Variants in PRKCH observed in about 807,000 individuals in gnomAD.
The protein encoded by PRKCH is protein kinase C eta type.
PRKCH carries 28 observed loss-of-function variants against 82.5 expected under a neutral mutation model. The observed-to-expected ratio is 0.34, with a 90% confidence interval of 0.25 to 0.47. The LOEUF (loss-of-function observed/expected upper bound fraction) is 0.47, where lower values mean the gene tolerates loss of function less well. Among genes scored for constraint, PRKCH ranks in the 20% least tolerant of loss-of-function variants. The pLI is 1.00. For missense variants in PRKCH, 705 were observed against 881.8 expected, an observed-to-expected ratio of 0.80 and a Z score of 2.54; for synonymous variants, 322 against 327.4, an observed-to-expected ratio of 0.98 and a Z score of 0.18.
At chr14:61,269,665 A>G (rs753125947) in intron 1 of PRKCH, among the ~76,000 whole-genome samples, 1 of 152,218 alleles carries the variant, frequency 6.6e-6, no homozygotes, top group Non-Finnish European at 1.5e-5. Context: ...TTACATGCAC[A>G]TACACAATCC....
chr14:61,337,140 A>ATTTTTTT (rs56865144), intron 1 of PRKCH, among the ~76,000 whole-genome samples: 1 of 100,340 alleles, frequency 1.0e-5, no homozygotes. Flanking sequence ...GACACCAACA[A>ATTTTTTT]TTTTTTTTTT....
At chr14:61,426,705 A>G (rs1275287108) in intron 2 of PRKCH, among the ~76,000 whole-genome samples, 5 of 152,220 alleles carry the variant, frequency 3.3e-5, no homozygotes, top group African/African-American at 1.2e-4. Context: ...TTATTTTAAA[A>G]TGGTTTCTGT....
chr14:61,205,263 G>A (rs1470751776), intron 1 of PRKCH, among the ~76,000 whole-genome samples: 1 of 152,198 alleles, frequency 6.6e-6, no homozygotes, highest in South Asian at 2.1e-4. Context: ...AGAGCCCATG[G>A]GTTTCCTTAT....
At chr14:61,284,003 G>A (rs112578318) in intron 1 of PRKCH, among the ~76,000 whole-genome samples, 2 of 152,284 alleles carry the variant, frequency 1.3e-5, no homozygotes, top group African/African-American at 4.8e-5. Flanking sequence ...TATCCTGAGG[G>A]AAAAAGATAA....
upstream of PRKCH, among the ~76,000 whole-genome samples, chr14:61,320,756 G>A (rs2045607959): frequency 6.6e-6 from 1 of 152,214 alleles, no homozygotes; most frequent in South Asian, 2.1e-4. Flanking sequence ...GGGGTGGGAA[G>A]CATCAGAAGG....
At position 61,227,685 on chromosome 14, in the gene PRKCH, A is replaced by G. The variant is rs938510057; in HGVS notation, c.-19+40017A>G. ...GTCCATGCATAGGAATGCCTGGCAT[A>G]TATTAGGTTGGTGCAAAAGTAATCG... On this transcript the variant is annotated intron_variant, in intron 1 of 3. Coordinates refer to the PRKCH transcript ENST00000555185. 9.8e-5 allele frequency among the ~76,000 whole-genome samples: 15 copies of G among 152,290 alleles called. No individual in the cohort carries two copies. The East Asian group carries it at 1.7e-3, about 18-fold the overall frequency.
chr14:61,328,226 C>A (rs1042489162), intron 1 of PRKCH, among the ~76,000 whole-genome samples: 1 of 133,574 alleles, frequency 7.5e-6, no homozygotes, highest in Admixed American at 8.5e-5. Flanking sequence ...GTCCGCAGTC[C>A]GGCCTGGGCA....
chr14:61,330,021 G>T (rs1037403365), intron 1 of PRKCH, among the ~76,000 whole-genome samples: 1 of 152,214 alleles, frequency 6.6e-6, no homozygotes, highest in Non-Finnish European at 1.5e-5. Flanking sequence ...CATGTACTAA[G>T]TACCAGGCAT....
chr14:61,371,818 C>T (rs2046367432), intron 1 of PRKCH, among the ~76,000 whole-genome samples: 3 of 152,150 alleles, frequency 2.0e-5, no homozygotes, highest in South Asian at 2.1e-4. Flanking sequence ...GAGAATTATG[C>T]TCTACCTCCC....
chr14:61,194,960 C>A (rs1287732725), intron 1 of PRKCH, among the ~76,000 whole-genome samples: 1 of 152,192 alleles, frequency 6.6e-6, no homozygotes. Flanking sequence ...TCTCGAACTC[C>A]TGACCTCAGG....
chr14:61,270,902 A>G (rs2045146464), intron 1 of PRKCH, among the ~76,000 whole-genome samples: 1 of 152,166 alleles, frequency 6.6e-6, no homozygotes. Flanking sequence ...TGGGCCCAGG[A>G]GGTCAAGGCT....
At chr14:61,506,548 C>T (rs1331443269) in intron 10 of PRKCH, among the ~76,000 whole-genome samples, 3 of 152,142 alleles carry the variant, frequency 2.0e-5, no homozygotes, top group Admixed American at 1.3e-4. Flanking sequence ...CTTTACCCAA[C>T]CCCTCCCCCT....
intron 2 of PRKCH, among the ~76,000 whole-genome samples, chr14:61,406,760 T>A (rs1471386171): frequency 1.3e-5 from 2 of 152,160 alleles, no homozygotes; most frequent in Non-Finnish European, 2.9e-5. Flanking sequence ...GAAAGCATGA[T>A]AACAGCTTCC....
chr14:61,248,760 G>T (rs146151609), intron 1 of PRKCH, among the ~76,000 whole-genome samples: 2 of 96,690 alleles, frequency 2.1e-5, no homozygotes, highest in Non-Finnish European at 3.8e-5. Context: ...ATGTATGTAT[G>T]TATGTATGTA....
chr14:61,345,057 A>C (rs906696477), intron 1 of PRKCH, among the ~76,000 whole-genome samples: 1 of 152,098 alleles, frequency 6.6e-6, no homozygotes, highest in Non-Finnish European at 1.5e-5. Context: ...ATTCACCCTC[A>C]GTTCCCTTTT....
intron 1 of PRKCH, among the ~76,000 whole-genome samples, chr14:61,237,731 C>T (rs190055259): frequency 1.3e-5 from 2 of 152,314 alleles, no homozygotes; most frequent in African/African-American, 4.8e-5. Context: ...TCCCCCTTTT[C>T]CTGACCAAAC....
chr14:61,492,879 G>C (rs923759274), intron 10 of PRKCH, among the ~76,000 whole-genome samples: 2 of 152,212 alleles, frequency 1.3e-5, no homozygotes, highest in African/African-American at 2.4e-5. Flanking sequence ...CTTCCTGGAG[G>C]AGGTGATGCC....
chr14:61,492,588 C>G (rs1006788177), intron 10 of PRKCH, among the ~76,000 whole-genome samples: 5 of 152,320 alleles, frequency 3.3e-5, no homozygotes, highest in Admixed American at 6.5e-5. Flanking sequence ...CAAACCAAGA[C>G]ATTTTGAGGC....
chr14:61,533,197 C>G (rs539311405), intron 12 of PRKCH, among the ~76,000 whole-genome samples: 1 of 151,950 alleles, frequency 6.6e-6, no homozygotes, highest in Non-Finnish European at 1.5e-5. Context: ...GTAAACTTCC[C>G]GGGCACATAA....
Sources: gnomAD v4.1 joint callset for allele counts (sites outside exome capture counted in the v4.1 genomes callset) on GRCh38, gnomAD v4.1.1 for gene constraint, MANE v1.5 for transcripts, NCBI Gene and HGNC (gene_info 2026-07-23, HGNC 2026-07-21) for gene names.